ANO9: variants seen among roughly 807,000 people sequenced by gnomAD.
The protein encoded by ANO9 is anoctamin-9.
ANO9 carries 80 observed loss-of-function variants against 100.5 expected under a neutral mutation model. The ratio of observed to expected loss-of-function variants is 0.80; its 90% confidence interval spans 0.66 to 0.96. The LOEUF (loss-of-function observed/expected upper bound fraction) is 0.96. ANO9 is among the 40% of genes least tolerant of loss of function. ANO9 has a pLI of 0.00. For synonymous variants in ANO9, 473 were observed against 435.6 expected (o/e 1.09, Z -1.07); for missense variants, 1,064 against 1,072.7 (o/e 0.99, Z 0.11).
rs535139371 is a variant in ANO9 at position 429,960 on chromosome 11, C to A, written c.771+123G>T. ...CGGGTGGGCTGGGGCTGGGCCTCCC[C>A]GTCAGCCCTGTGGGGAAAGCTGAGC... On this transcript the variant is annotated intron_variant, in intron 9 of 22. Transcript: ENST00000332826. 19 of 1,341,122 alleles carry A rather than the reference C, an allele frequency of 1.4e-5. No individual in the cohort carries two copies. The East Asian group carries it at 2.0e-4, about 14-fold the overall frequency. 83.1% of individuals were successfully genotyped at this position (1,341,122 alleles called of 1,614,324 possible).
intron 1 of ANO9, among the ~76,000 whole-genome samples, chr11:438,754 GA>G (rs1845592764): frequency 6.6e-6 from 1 of 152,098 alleles, no homozygotes; most frequent in South Asian, 2.1e-4. Context: ...CTTCACAGGT[GA>G]GGGCTGGACC....
rs556132267 is a variant in ANO9, at chr11:429,447, G to C, written c.915+123C>G. On this transcript the variant is annotated intron_variant, in intron 11 of 22. Transcript: ENST00000332826. ...ACAGACCAGGACACACGCCCCACAT[G>C]TGGGGAGACAGACTCGGGACACACA... The C allele has an allele frequency of 5.6e-4, 839 of 1,503,834 alleles. 14 individuals are homozygous for C. In the South Asian group the frequency reaches 0.01, roughly 18 times the overall value. The allele number at this position is 1,503,834 out of a possible 1,614,324, so 93.2% of individuals were successfully genotyped here.
At chr11:425,721 TTTG>T (rs1848477112) in intron 15 of ANO9, among the ~76,000 whole-genome samples, 1 of 145,626 alleles carries the variant, frequency 6.9e-6, no homozygotes, top group African/African-American at 2.8e-5. Flanking sequence ...TTTTTTGTTT[TTTG>T]TTTGTTTGTT....
chr11:434,293 C>T (rs1358553714), intron 1 of ANO9, among the ~76,000 whole-genome samples, 195 bp from the exon 2 acceptor site: 1 of 152,192 alleles, frequency 6.6e-6, no homozygotes, highest in Non-Finnish European at 1.5e-5. Context: ...CGACGAAGGA[C>T]TGTGGAAACA....
At position 422,657 on chromosome 11, in the gene ANO9, C is replaced by G. The variant is rs142833431; in HGVS notation, c.1335-1459G>C. 9.6e-3 allele frequency among the ~76,000 whole-genome samples: 1,459 copies of G among 152,312 alleles called. 8 individuals carry two copies. Among genetic ancestry groups the G allele is most frequent in the Middle Eastern group, 0.024 (7 of 294 alleles). On this transcript the variant is annotated intron_variant, in intron 15 of 22. Coordinates refer to ENST00000332826, the MANE Select transcript of ANO9 (RefSeq NM_001012302.3). The surrounding 1 kb of genome is among the most constrained non-coding windows in gnomAD (Gnocchi z 4.3). ...TGGAGCCTCCAGAAGGAGCCCAGCC[C>G]TGCTAACCCCTTAGTTTTCACCCAG...
chr11:436,063 C>CTTTTTTTTTTTTTTTTTTTTTTTTTCT (rs10707508), intron 1 of ANO9, among the ~76,000 whole-genome samples: 7 of 99,304 alleles, frequency 7.0e-5, no homozygotes, highest in Non-Finnish European at 1.4e-4. Flanking sequence ...CTTTTCTTTC[C>CTTTTTTTTTTTTTTTTTTTTTTTTTCT]TTTTTTTTTT....
rs777194726 is a variant in ANO9, at chr11:441,909, C to T, written c.6+12G>A. On this transcript the variant is annotated intron_variant, in intron 1 of 22. Coordinates refer to ENST00000332826, the MANE Select transcript of ANO9 (RefSeq NM_001012302.3). Reference sequence around the variant, plus strand: ...CCTTGAAGGTGTGGACCCTTTTGAGCGCAGGACTCACCTGCATGCTGGCTG... The same window carrying T: ...CCTTGAAGGTGTGGACCCTTTTGAGTGCAGGACTCACCTGCATGCTGGCTG... 21 of 1,607,298 alleles carry T rather than the reference C, an allele frequency of 1.3e-5. No homozygotes were observed. The highest frequency in any genetic ancestry group is 6.7e-5 in the East Asian group (3 of 44,816).
chr11:434,247 G>C (rs1409167806), intron 1 of ANO9, 149 bp from the exon 2 acceptor site: 10 of 979,774 alleles, frequency 1.0e-5, no homozygotes, highest in Non-Finnish European at 1.5e-5. Context: ...GATGGCTGTA[G>C]GCGGGTGACA....
intron 15 of ANO9, among the ~76,000 whole-genome samples, chr11:424,797 AAAAT>A (rs1417472809): frequency 1.3e-5 from 2 of 152,222 alleles, no homozygotes; most frequent in East Asian, 3.8e-4. Flanking sequence ...CTGTGAATAA[AAAAT>A]AAAGAGGAAA....
At chr11:435,086 G>A (rs1849344732) in intron 1 of ANO9, among the ~76,000 whole-genome samples, 1 of 152,140 alleles carries the variant, frequency 6.6e-6, no homozygotes, top group Non-Finnish European at 1.5e-5. Flanking sequence ...ATATAGTATT[G>A]TAGTGTAGTG....
chr11:428,743 G>A lies in ANO9; in HGVS notation c.999C>T (p.Ile333=), dbSNP rs1243231395. 1 of 1,613,382 alleles carries A rather than the reference G, an allele frequency of 6.2e-7. No individual in the cohort carries two copies. Among genetic ancestry groups the A allele is most frequent in the South Asian group, 1.1e-5 (1 of 91,092 alleles). Reference sequence around the variant, plus strand: ...GTACCATGAGCAGGGTCAGGACGAGGATGACGGTGCTGCGTAGGTAGGAGT... The same window carrying A: ...GTACCATGAGCAGGGTCAGGACGAGAATGACGGTGCTGCGTAGGTAGGAGT... ...YQHSYLRSTV[I]LVLTLLMICL... The change falls in exon 12 of 23, where the codon ATC becomes ATT. Residue 333 remains isoleucine, a synonymous_variant. Coordinates refer to ENST00000332826, the MANE Select transcript of ANO9 (RefSeq NM_001012302.3).
At chr11:426,246 T>A (rs182158305) in intron 15 of ANO9, among the ~76,000 whole-genome samples, 4 of 152,212 alleles carry the variant, frequency 2.6e-5, no homozygotes, top group Admixed American at 2.6e-4. Context: ...ACACCTGTCA[T>A]CCCAGCACGT....
chr11:441,556 TC>T (rs1282921017), intron 1 of ANO9, among the ~76,000 whole-genome samples: 2 of 151,582 alleles, frequency 1.3e-5, no homozygotes, highest in Non-Finnish European at 1.5e-5. Flanking sequence ...AGGTCTGGGG[TC>T]CTCAGCAGCA....
chr11:422,976 C>T lies in ANO9; in HGVS notation c.1335-1778G>A, dbSNP rs982165123. On this transcript the variant is annotated intron_variant, in intron 15 of 22. Coordinates refer to ENST00000332826, the MANE Select transcript of ANO9 (RefSeq NM_001012302.3). The surrounding 1 kb of genome is among the most constrained non-coding windows in gnomAD (Gnocchi z 4.3). ...TCCTGAGTAGCTGGGATTACAGGTG[C>T]GCGCCACCACGCCTGGCTAATTTTT... Among the ~76,000 whole-genome samples, 6 of 151,776 alleles carry T rather than the reference C, an allele frequency of 4.0e-5. No homozygotes were observed. The highest frequency in any genetic ancestry group is 1.2e-4 in the African/African-American group (5 of 41,288).
At chr11:428,697 C>A in intron 12 of ANO9, 25 bp downstream of exon 12, 1 of 1,612,604 alleles carries the variant, frequency 6.2e-7, no homozygotes, top group Admixed American at 1.7e-5. Context: ...GGGTCTCCAG[C>A]CCCACCGCGG....
chr11:439,229 G>A (rs1845642168), intron 1 of ANO9, among the ~76,000 whole-genome samples: 1 of 152,214 alleles, frequency 6.6e-6, no homozygotes, highest in Non-Finnish European at 1.5e-5. Flanking sequence ...GGAGTTTGTG[G>A]GGGGCTCTTG....
At chr11:434,622 C>T (rs1050340224) in intron 1 of ANO9, among the ~76,000 whole-genome samples, 1 of 152,176 alleles carries the variant, frequency 6.6e-6, no homozygotes, top group Non-Finnish European at 1.5e-5. Flanking sequence ...CTCGCGGCGG[C>T]CCCATTTCAC....
In ANO9 at chr11:430,196, G is replaced by A. The variant is rs1242528301; in HGVS notation, c.675-17C>T. ...ATCTCCTTGCTGAAGGGGCAGGGAT[G>A]AGGCTGGGGTCGGCTCCTCCAGGCA... On this transcript the variant is annotated splice_polypyrimidine_tract_variant and intron_variant, in intron 8 of 22. Transcript: ENST00000332826. 9.0e-6 allele frequency: 14 copies of A among 1,550,730 alleles called. No individual in the cohort carries two copies. The highest frequency in any genetic ancestry group is 5.9e-5 in the South Asian group (5 of 84,116).
In ANO9 at chr11:437,532, G is replaced by T. The variant is rs186295165; in HGVS notation, c.7-3434C>A. On this transcript the variant is annotated intron_variant, in intron 1 of 22. Coordinates refer to ENST00000332826, the MANE Select transcript of ANO9 (RefSeq NM_001012302.3). ...CTCCTTGGCCTTCCCGACAGCCCAC[G>T]GACAGATACCTGCACTCAGGCGTGG... Among the ~76,000 whole-genome samples, 10 of 152,336 alleles carry T rather than the reference G, an allele frequency of 6.6e-5. No homozygotes were observed. In the East Asian group the frequency reaches 1.9e-3, roughly 29 times the overall value.
Sources: gnomAD v4.1 joint callset for allele counts (sites outside exome capture counted in the v4.1 genomes callset) on GRCh38, gnomAD v4.1.1 for gene constraint, Gnocchi (gnomAD v3.1) non-coding constraint, MANE v1.5 for transcripts, NCBI Gene and HGNC (gene_info 2026-07-23, HGNC 2026-07-21) for gene names.